The following ALPK2 variants were observed in gnomAD, a reference collection of about 807,000 sequenced individuals.
The protein encoded by ALPK2 is alpha-protein kinase 2.
A neutral mutation model predicts 163.1 loss-of-function variants in ALPK2; 127 were observed. That is an observed-to-expected ratio of 0.78 (90% CI 0.67 to 0.90). The LOEUF (loss-of-function observed/expected upper bound fraction) is 0.90, where lower values mean the gene tolerates loss of function less well. ALPK2 is among the 40% of genes least tolerant of loss of function. ALPK2 has a pLI of 0.00. For synonymous variants in ALPK2, 953 were observed against 959.1 expected (o/e 0.99, Z 0.12); for missense variants, 2,360 against 2,589.6 (o/e 0.91, Z 1.92).
chr18:58,498,060 C>A lies in ALPK2; in HGVS notation c.6285G>T (p.Thr2095=). 6.2e-7 allele frequency: 1 copy of A among 1,614,098 alleles called. No individual in the cohort carries two copies. Among genetic ancestry groups the A allele is most frequent in the Non-Finnish European group, 8.5e-7 (1 of 1,179,990 alleles). Residue 2095 remains threonine, a synonymous_variant, in exon 12 of 13, where the codon ACG becomes ACT. Transcript: ENST00000361673. ...GMKLTDVGIA[T]LAKGYKGFKG... ...TTTTTCCTACTCACCCTTTAGCCAG[C>A]GTTGCTATGCCAACGTCAGTTAGCT...
chr18:58,501,881 A>G (rs2051432925), intron 11 of ALPK2, among the ~76,000 whole-genome samples: 2 of 152,196 alleles, frequency 1.3e-5, no homozygotes, highest in Non-Finnish European at 2.9e-5. Flanking sequence ...TATTCTGCCA[A>G]TGTCAATCTC....
At chr18:58,540,612 G>C (rs1286227865) in intron 4 of ALPK2, among the ~76,000 whole-genome samples, 1 of 152,084 alleles carries the variant, frequency 6.6e-6, no homozygotes, top group Non-Finnish European at 1.5e-5. Flanking sequence ...AGAAAACATG[G>C]GGAACTTCCT....
intron 4 of ALPK2, chr18:58,543,356 C>A (rs1254294313): frequency 2.0e-6 from 2 of 985,300 alleles, no homozygotes; most frequent in African/African-American, 3.5e-5. Flanking sequence ...GGAACAAGTG[C>A]TCTGTGCACC....
At chr18:58,557,594 TAAA>T (rs974713919) in intron 4 of ALPK2, among the ~76,000 whole-genome samples, 9 of 151,750 alleles carry the variant, frequency 5.9e-5, no homozygotes, top group Non-Finnish European at 1.3e-4. Context: ...AAAAGTCTAT[TAAA>T]GAGAAAAAGA....
chr18:58,530,733 G>A (rs913073771), intron 5 of ALPK2, among the ~76,000 whole-genome samples: 1 of 152,216 alleles, frequency 6.6e-6, no homozygotes, highest in Non-Finnish European at 1.5e-5. Flanking sequence ...CTTTGGATAG[G>A]ACCCCTGACT....
rs1161669394 is a variant in ALPK2, at chr18:58,579,432, T to G, written c.1344A>C (p.Arg448Ser). Residue 448 changes from arginine to serine, a missense_variant, in exon 4 of 13, where the codon AGA (arginine) becomes AGC (serine). Physicochemically the swap from Arg to Ser is moderately radical, Grantham distance 110. Coordinates refer to ENST00000361673, the MANE Select transcript of ALPK2 (RefSeq NM_052947.4). ...DGTSSVTEQG[R>S]YKLPTAPEAA... ...CCTCGGGAGCAGTGGGGAGTTTATATCTCCCCTGTTCTGTCACTGAAGACG... is the reference window on the plus strand; with the variant it reads ...CCTCGGGAGCAGTGGGGAGTTTATAGCTCCCCTGTTCTGTCACTGAAGACG... The G allele has an allele frequency of 1.2e-6, 2 of 1,614,014 alleles. No homozygotes were observed. Among genetic ancestry groups the G allele is most frequent in the African/African-American group, 2.7e-5 (2 of 74,902 alleles).
chr18:58,528,898 A>G, intron 6 of ALPK2, 193 bp downstream of exon 6: 1 of 675,428 alleles, frequency 1.5e-6, no homozygotes, highest in South Asian at 2.0e-5. Context: ...AACCTGGGCA[A>G]GAATCCTCCA....
chr18:58,486,171 C>T (rs973039452), intron 12 of ALPK2, among the ~76,000 whole-genome samples: 4 of 152,370 alleles, frequency 2.6e-5, no homozygotes, highest in Admixed American at 2.6e-4. Context: ...TCCTTCTCCA[C>T]CTCCACTTAA....
At chr18:58,546,364 C>G (rs1435850192) in intron 4 of ALPK2, among the ~76,000 whole-genome samples, 2 of 152,280 alleles carry the variant, frequency 1.3e-5, no homozygotes, top group East Asian at 3.9e-4. Flanking sequence ...CCATGGTTCA[C>G]ACCCTTCCTA....
At chr18:58,483,195 G>T (rs779179682) in intron 12 of ALPK2, among the ~76,000 whole-genome samples, 5 of 152,154 alleles carry the variant, frequency 3.3e-5, no homozygotes, top group East Asian at 1.9e-4. Context: ...ATCCCATGGG[G>T]ATAAACACTT....
At chr18:58,564,608 C>CCA (rs1317821116) in intron 4 of ALPK2, among the ~76,000 whole-genome samples, 3 of 151,522 alleles carry the variant, frequency 2.0e-5, no homozygotes, top group African/African-American at 7.3e-5. Flanking sequence ...ACCATGAAAG[C>CCA]CACAGTCTCT....
chr18:58,596,570 G>C (rs184749774), intron 3 of ALPK2, among the ~76,000 whole-genome samples: 1 of 152,354 alleles, frequency 6.6e-6, no homozygotes, highest in East Asian at 1.9e-4. Flanking sequence ...ATGGTGACCA[G>C]AGCTACTGAC....
At chr18:58,514,113 T>C (rs1191191348) in intron 10 of ALPK2, among the ~76,000 whole-genome samples, 1 of 152,178 alleles carries the variant, frequency 6.6e-6, no homozygotes, top group East Asian at 1.9e-4. Context: ...TCCAGATGGC[T>C]GTCTGTGTAA....
intron 9 of ALPK2, 65 bp from the exon 10 acceptor site, chr18:58,515,146 A>G: frequency 8.0e-7 from 1 of 1,250,536 alleles, no homozygotes; most frequent in Non-Finnish European, 1.1e-6. Context: ...ATTGCCCAGT[A>G]AGACTATTCA....
At chr18:58,563,477 C>T (rs2051835358) in intron 4 of ALPK2, among the ~76,000 whole-genome samples, 1 of 152,156 alleles carries the variant, frequency 6.6e-6, no homozygotes, top group Non-Finnish European at 1.5e-5. Flanking sequence ...GAGACTGACT[C>T]ATTTAGGCTA....
intron 4 of ALPK2, among the ~76,000 whole-genome samples, chr18:58,574,183 C>A (rs1162659088): frequency 2.6e-5 from 4 of 151,976 alleles, no homozygotes; most frequent in African/African-American, 4.8e-5. Context: ...GCAGCTCACG[C>A]CTATAATCCC....
chr18:58,516,302 G>C (rs1473249794), intron 9 of ALPK2, among the ~76,000 whole-genome samples: 1 of 152,012 alleles, frequency 6.6e-6, no homozygotes, highest in East Asian at 1.9e-4. Context: ...GAGAAGCTAA[G>C]GCTCTCCTGC....
In ALPK2 at chr18:58,579,817, TC is replaced by T; in HGVS notation, c.958del (p.Glu320ArgfsTer17). 6.2e-7 allele frequency: 1 copy of T among 1,614,080 alleles called. No individual in the cohort carries two copies. Among genetic ancestry groups the T allele is most frequent in the Non-Finnish European group, 8.5e-7 (1 of 1,180,024 alleles). On this transcript the variant is annotated frameshift_variant, in exon 4 of 13. Transcript: ENST00000361673. LOFTEE classifies it high-confidence loss of function. ...LCPEITLTYT[E>X]EFSDDDLEYL... ...CTCCAGGTCATCATCTGAAAACTCC[TC>T]GGTGTAGGTTAGGGTTATCTCTGGG...
In ALPK2 at chr18:58,599,199, C is replaced by T. The variant is rs11660392; in HGVS notation, c.227+8123G>A. On this transcript the variant is annotated intron_variant, in intron 3 of 12. Coordinates refer to ENST00000361673, the MANE Select transcript of ALPK2 (RefSeq NM_052947.4). ...TGAGACACTTACCTACTAAAGTCAC[C>T]ACCAGAATGTGATGACAAGCAGTGG... is the stretch of plus-strand genomic sequence containing the variant. Among the ~76,000 whole-genome samples, 619 of 152,262 alleles carry T rather than the reference C, an allele frequency of 4.1e-3. 4 individuals are homozygous for T. The highest frequency in any genetic ancestry group is 7.0e-3 in the Non-Finnish European group (478 of 68,024).
Sources: gnomAD v4.1 joint callset for allele counts (sites outside exome capture counted in the v4.1 genomes callset) on GRCh38, gnomAD v4.1.1 for gene constraint, MANE v1.5 for transcripts, NCBI Gene and HGNC (gene_info 2026-07-23, HGNC 2026-07-21) for gene names.